PPP2R5A: variants seen among roughly 807,000 people sequenced by gnomAD.
The protein encoded by PPP2R5A is protein phosphatase 2 regulatory subunit B'alpha.
PPP2R5A carries 25 observed loss-of-function variants against 64.2 expected under a neutral mutation model. The observed-to-expected ratio is 0.39, with a 90% CI of 0.28 to 0.54. The LOEUF is 0.54. Among genes scored for constraint, PPP2R5A ranks in the 20% least tolerant of loss-of-function variants. The pLI is 0.67. For missense variants in PPP2R5A, 425 were observed against 576.3 expected, an observed-to-expected ratio of 0.74 and a Z score of 2.69; for synonymous variants, 198 against 201.2, an observed-to-expected ratio of 0.98 and a Z score of 0.13.
In PPP2R5A at chr1:212,320,594, C is replaced by G. The variant is rs541880168; in HGVS notation, c.182-8541C>G. 1.1e-4 allele frequency among the ~76,000 whole-genome samples: 17 copies of G among 148,694 alleles called. 1 individual carries two copies. The highest frequency in any genetic ancestry group is 9.9e-4 in the Admixed American group (15 of 15,106). ...GGGGGGCTGACCCCCCCGCCTCCCT[C>G]CCGGACGGGGCAGCTGGCCGGGCGG... On this transcript the variant is annotated intron_variant, in intron 1 of 12. Coordinates refer to ENST00000261461, the MANE Select transcript of PPP2R5A (RefSeq NM_006243.4).
intron 1 of PPP2R5A, among the ~76,000 whole-genome samples, chr1:212,315,765 T>G (rs971679490): frequency 6.6e-6 from 1 of 152,220 alleles, no homozygotes; most frequent in African/African-American, 2.4e-5. Context: ...TTTTATTTTT[T>G]TAAAACAAAT....
At position 212,322,202 on chromosome 1, in the gene PPP2R5A, GGGGAGAGGGAGACTGTGGGGAGAGGGAGA is replaced by G. The variant is rs1348730580; in HGVS notation, c.182-6920_182-6892del. The stretch of plus-strand genomic sequence containing the variant: ...GGAAAGAGAGGGAGAGGGAGACCGT[GGGGAGAGGGAGACTGTGGGGAGAGGGAGA>G]GGGAGAGGGAGAGGAGGGAGAGGGA... On this transcript the variant is annotated intron_variant, in intron 1 of 12. Coordinates refer to ENST00000261461, the MANE Select transcript of PPP2R5A (RefSeq NM_006243.4). 7.0e-4 allele frequency among the ~76,000 whole-genome samples: 101 copies of G among 143,504 alleles called. 1 individual carries two copies. The highest frequency in any genetic ancestry group is 3.4e-4 in the Non-Finnish European group (22 of 64,528). The allele number at this position is 143,504 out of a possible 152,430, so 94.1% of individuals were successfully genotyped here. A position where few individuals can be genotyped will look rare whatever the true frequency, so the allele number is the denominator to read the frequency against.
At chr1:212,301,200 G>C (rs905946399) in intron 1 of PPP2R5A, among the ~76,000 whole-genome samples, 6 of 152,110 alleles carry the variant, frequency 3.9e-5, no homozygotes, top group Admixed American at 2.6e-4. Flanking sequence ...TAGTAGAGAC[G>C]GGGTTTCGCC....
intron 1 of PPP2R5A, among the ~76,000 whole-genome samples, chr1:212,323,790 G>T (rs567271949): frequency 1.3e-5 from 2 of 152,084 alleles, no homozygotes; most frequent in South Asian, 4.2e-4. Context: ...TGTGTAACAT[G>T]GGGCTGGGCA....
chr1:212,348,181 G>GA (rs1659816304), intron 6 of PPP2R5A, among the ~76,000 whole-genome samples: 1 of 152,180 alleles, frequency 6.6e-6, no homozygotes, highest in Non-Finnish European at 1.5e-5. Flanking sequence ...GGAATTAATT[G>GA]ACAGTCCTAA....
intron 3 of PPP2R5A, among the ~76,000 whole-genome samples, chr1:212,334,702 G>A (rs996014049): frequency 1.3e-5 from 2 of 152,118 alleles, no homozygotes; most frequent in African/African-American, 2.4e-5. Flanking sequence ...CTTTGAACAT[G>A]TCATCCCATT....
chr1:212,360,802 A>G lies in PPP2R5A; in HGVS notation c.*32A>G. 6.7e-7 allele frequency: 1 copy of G among 1,496,400 alleles called. No individual in the cohort carries two copies. Among genetic ancestry groups the G allele is most frequent in the African/African-American group, 1.4e-5 (1 of 69,956 alleles). The allele number at this position is 1,496,400 out of a possible 1,614,324, so 92.7% of individuals were successfully genotyped here. Reference sequence around the variant, plus strand: ...AGCCTCCCACCTCTGCCGGATAGGCAGAGTTTTGTATGCTTTTTTGAAATA... The same window carrying G: ...AGCCTCCCACCTCTGCCGGATAGGCGGAGTTTTGTATGCTTTTTTGAAATA... On this transcript the variant is annotated 3_prime_UTR_variant, in exon 13 of 13. Transcript: ENST00000261461.
rs138124716 is a variant in PPP2R5A at position 212,289,168 on chromosome 1, T to C, written c.181+2877T>C. Among the ~76,000 whole-genome samples, 5 of 152,374 alleles carry C rather than the reference T, an allele frequency of 3.3e-5. No individual in the cohort carries two copies. The East Asian group carries it at 7.7e-4, about 23-fold the overall frequency. Reference sequence around the variant, plus strand: ...GTTGATGCCTTACATTTATATAACATTTTAGCATTTTAAAATTATTTTACC... The same window carrying C: ...GTTGATGCCTTACATTTATATAACACTTTAGCATTTTAAAATTATTTTACC... On this transcript the variant is annotated intron_variant, in intron 1 of 12. Coordinates refer to ENST00000261461, the MANE Select transcript of PPP2R5A (RefSeq NM_006243.4).
chr1:212,317,656 A>T (rs1361698965), intron 1 of PPP2R5A, among the ~76,000 whole-genome samples: 6 of 151,980 alleles, frequency 3.9e-5, no homozygotes, highest in Admixed American at 3.9e-4. Flanking sequence ...TGCAACCTAC[A>T]CTTTGAAAAA....
In PPP2R5A at chr1:212,357,157, G is replaced by A. The variant is rs1333319637; in HGVS notation, c.1099G>A (p.Val367Ile). The change falls in exon 11 of 13, where the codon GTT (valine) becomes ATT (isoleucine). Residue 367 changes from valine to isoleucine, a missense_variant and splice_region_variant. Transcript: ENST00000261461. ...CATTTCTCTAAATGTCTTTTTTTAG[G>A]TTGCAGAAAGGGCATTGTACTTCTG... is the stretch of plus-strand genomic sequence containing the variant. ...SKCVSSSHFQ[V>I]AERALYFWNN... 1.3e-6 allele frequency: 2 copies of A among 1,578,950 alleles called. No individual in the cohort carries two copies. The highest frequency in any genetic ancestry group is 2.7e-5 in the African/African-American group (2 of 72,892).
chr1:212,303,153 T>G (rs1191533313), intron 1 of PPP2R5A, among the ~76,000 whole-genome samples: 2 of 152,216 alleles, frequency 1.3e-5, no homozygotes, highest in East Asian at 3.8e-4. Flanking sequence ...CTTAGTCACT[T>G]GATAAATTGC....
At chr1:212,355,377 AT>A (rs1659960803) in intron 8 of PPP2R5A, among the ~76,000 whole-genome samples, 1 of 152,142 alleles carries the variant, frequency 6.6e-6, no homozygotes, top group Admixed American at 6.5e-5. Context: ...TCACATTGTT[AT>A]CTTACTGGAT....
chr1:212,318,664 T>C (rs2102424672), intron 1 of PPP2R5A, among the ~76,000 whole-genome samples: 1 of 152,350 alleles, frequency 6.6e-6, no homozygotes, highest in Middle Eastern at 3.4e-3. Flanking sequence ...TATCTGTGGG[T>C]TCCACATCTG....
intron 1 of PPP2R5A, among the ~76,000 whole-genome samples, chr1:212,320,691 C>G (rs1203595332): frequency 1.9e-5 from 2 of 106,270 alleles, no homozygotes; most frequent in Non-Finnish European, 4.4e-5. Context: ...GGGGCTGACC[C>G]CCCCACCTCC....
At chr1:212,302,203 C>G in intron 1 of PPP2R5A, 3 of 1,017,946 alleles carry the variant, frequency 2.9e-6, no homozygotes, top group Non-Finnish European at 4.2e-6. Context: ...ACAAGCAAAA[C>G]CACATTACAG....
chr1:212,291,672 T>C (rs1658604387), intron 1 of PPP2R5A, among the ~76,000 whole-genome samples: 1 of 152,236 alleles, frequency 6.6e-6, no homozygotes, highest in South Asian at 2.1e-4. Context: ...GCTATTTACA[T>C]TTCACTCTCT....
chr1:212,341,288 A>C (rs560723691), intron 3 of PPP2R5A, among the ~76,000 whole-genome samples: 17 of 152,332 alleles, frequency 1.1e-4, no homozygotes, highest in Admixed American at 9.8e-4. Flanking sequence ...TGGTACACAG[A>C]CATTTCTTCC....
At chr1:212,303,064 GT>G (rs1239596291) in intron 1 of PPP2R5A, among the ~76,000 whole-genome samples, 1 of 152,032 alleles carries the variant, frequency 6.6e-6, no homozygotes, top group Non-Finnish European at 1.5e-5. Flanking sequence ...TTGTATACAA[GT>G]TTTTGTGTGG....
At chr1:212,321,181 C>T (rs1275879131) in intron 1 of PPP2R5A, among the ~76,000 whole-genome samples, 5 of 146,116 alleles carry the variant, frequency 3.4e-5, no homozygotes, top group African/African-American at 1.3e-4. Flanking sequence ...GGCGGCTGGC[C>T]AGGCGGGGGG....
Sources: gnomAD v4.1 joint callset for allele counts (sites outside exome capture counted in the v4.1 genomes callset) on GRCh38, gnomAD v4.1.1 for gene constraint, MANE v1.5 for transcripts, NCBI Gene and HGNC (gene_info 2026-07-23, HGNC 2026-07-21) for gene names.